ADAMTSL1: variants seen among roughly 807,000 people sequenced by gnomAD.
The protein encoded by ADAMTSL1 is ADAMTS like 1, also known as ADAMTS-like protein 1.
In ADAMTSL1, 126 loss-of-function variants were observed where a neutral mutation model predicts 201.8. The observed-to-expected ratio is 0.62, with a 90% CI of 0.54 to 0.72. The LOEUF (loss-of-function observed/expected upper bound fraction) is 0.72. Among genes scored for constraint, ADAMTSL1 ranks in the 30% least tolerant of loss-of-function variants. The probability of loss-of-function intolerance (pLI) is 0.00; values close to 1 mark genes in which losing one functional copy is unlikely to be tolerated. For missense variants in ADAMTSL1, 2,679 were observed against 2,277.8 expected (o/e 1.18, Z -3.59); for synonymous variants, 1,121 against 903.4 (o/e 1.24, Z -4.32).
At chr9:18,611,680 G>A (rs1409233455) in intron 4 of ADAMTSL1, among the ~76,000 whole-genome samples, 1 of 152,104 alleles carries the variant, frequency 6.6e-6, no homozygotes, top group African/African-American at 2.4e-5. Flanking sequence ...CCATTAGATG[G>A]TTTAGATTCT....
intron 1 of ADAMTSL1, among the ~76,000 whole-genome samples, chr9:18,009,904 T>G (rs187330432): frequency 2.6e-5 from 4 of 152,146 alleles, no homozygotes; most frequent in Admixed American, 2.6e-4. Flanking sequence ...AATTACATGA[T>G]TTTCCTTCTC....
At chr9:18,223,499 C>T (rs1442417306) in intron 2 of ADAMTSL1, among the ~76,000 whole-genome samples, 1 of 151,882 alleles carries the variant, frequency 6.6e-6, no homozygotes, top group African/African-American at 2.4e-5. Context: ...CATTTATCTC[C>T]ACTTCAGTTC....
At chr9:18,168,978 T>A (rs1417023435) in intron 2 of ADAMTSL1, among the ~76,000 whole-genome samples, 1 of 149,450 alleles carries the variant, frequency 6.7e-6, no homozygotes, top group Non-Finnish European at 1.5e-5. Context: ...GGGTTGTTTG[T>A]TTTTTCTTGT....
chr9:18,684,587 C>A, intron 12 of ADAMTSL1, 129 bp from the exon 13 acceptor site: 1 of 986,790 alleles, frequency 1.0e-6, no homozygotes, highest in Non-Finnish European at 1.4e-6. Context: ...TCAGAGGCAG[C>A]AATTTACCCA....
intron 1 of ADAMTSL1, among the ~76,000 whole-genome samples, chr9:18,028,903 G>T (rs7850361): frequency 0.16 from 24,039 of 151,988 alleles, 2,850 homozygotes; most frequent in African/African-American, 0.32. Context: ...GCATGGAATG[G>T]TCTTCCATTT....
In ADAMTSL1 at chr9:18,764,290, T is replaced by C. The variant is rs1369220847; in HGVS notation, c.2218-6312T>C. Among the ~76,000 whole-genome samples the C allele has an allele frequency of 2.0e-5, 3 of 152,370 alleles. No homozygotes were observed. The East Asian group carries it at 5.8e-4, about 29-fold the overall frequency. On this transcript the variant is annotated intron_variant, in intron 16 of 28. Coordinates refer to ENST00000380548, the MANE Select transcript of ADAMTSL1 (RefSeq NM_001040272.6). ...TACTTTTTAAATTTCTTTTTCATGTTGTTCACTGTTGAACATAGAGAAATA... is the reference window on the plus strand; with the variant it reads ...TACTTTTTAAATTTCTTTTTCATGTCGTTCACTGTTGAACATAGAGAAATA...
chr9:18,039,376 G>T (rs1821340868), intron 1 of ADAMTSL1, among the ~76,000 whole-genome samples: 1 of 152,030 alleles, frequency 6.6e-6, no homozygotes, highest in South Asian at 2.1e-4. Flanking sequence ...GACGGATAAT[G>T]CCTTCCTACA....
intron 1 of ADAMTSL1, among the ~76,000 whole-genome samples, chr9:18,046,440 A>C (rs1821662532): frequency 6.6e-6 from 1 of 152,166 alleles, no homozygotes; most frequent in Non-Finnish European, 1.5e-5. Flanking sequence ...CTTTCCTGTT[A>C]AGGACATGAC....
At chr9:18,332,301 T>C (rs10124318) in intron 2 of ADAMTSL1, among the ~76,000 whole-genome samples, 50,198 of 152,128 alleles carry the variant, frequency 0.33, 8,853 homozygotes, top group Admixed American at 0.48. Flanking sequence ...TATAATTTTA[T>C]ATTTAGGGAT....
chr9:18,694,617 G>A (rs2082579), intron 13 of ADAMTSL1, among the ~76,000 whole-genome samples: 47,504 of 151,902 alleles, frequency 0.31, 8,002 homozygotes, highest in Non-Finnish European at 0.39. Context: ...TGTCACATCC[G>A]GGCCACACTG....
chr9:18,293,590 C>T (rs1471410054), intron 2 of ADAMTSL1, among the ~76,000 whole-genome samples: 2 of 152,204 alleles, frequency 1.3e-5, no homozygotes, highest in Admixed American at 6.5e-5. Context: ...CCTGACTTCA[C>T]ACTTTTTCTC....
intron 2 of ADAMTSL1, among the ~76,000 whole-genome samples, chr9:18,464,146 A>G (rs573269732): frequency 6.6e-6 from 1 of 152,286 alleles, no homozygotes; most frequent in African/African-American, 2.4e-5. Flanking sequence ...CCTTCTTGAG[A>G]CTATGTAGTG....
intron 4 of ADAMTSL1, among the ~76,000 whole-genome samples, chr9:18,608,446 A>G (rs1323237322): frequency 6.6e-6 from 1 of 152,210 alleles, no homozygotes; most frequent in African/African-American, 2.4e-5. Flanking sequence ...ATTTCTATGC[A>G]TGTGAGTGGG....
chr9:18,552,335 C>G (rs1307302723), intron 3 of ADAMTSL1, among the ~76,000 whole-genome samples: 1 of 151,784 alleles, frequency 6.6e-6, no homozygotes, highest in Non-Finnish European at 1.5e-5. Flanking sequence ...TCCTTCAGGT[C>G]ATAAATTACT....
At chr9:18,585,481 G>T (rs924366564) in intron 4 of ADAMTSL1, among the ~76,000 whole-genome samples, 1 of 151,984 alleles carries the variant, frequency 6.6e-6, no homozygotes, top group African/African-American at 2.4e-5. Context: ...AATTCTGTGG[G>T]ATAACTTTAT....
intron 1 of ADAMTSL1, among the ~76,000 whole-genome samples, chr9:18,016,739 G>T (rs1820275706): frequency 6.6e-6 from 1 of 151,986 alleles, no homozygotes; most frequent in African/African-American, 2.4e-5. Flanking sequence ...ATTTGTGTTG[G>T]TATTTAGGGT....
chr9:18,438,739 C>A (rs1038339018), intron 2 of ADAMTSL1, among the ~76,000 whole-genome samples: 2 of 152,278 alleles, frequency 1.3e-5, no homozygotes, highest in South Asian at 2.1e-4. Context: ...AGTGAGGACC[C>A]TGCACTCAGC....
intron 2 of ADAMTSL1, among the ~76,000 whole-genome samples, chr9:18,399,328 T>TATATATATATATATATAA (rs1491459278): frequency 4.6e-5 from 5 of 107,724 alleles, no homozygotes; most frequent in Non-Finnish European, 7.8e-5. Flanking sequence ...TATATATATA[T>TATATATATATATATATAA]AAAATTATTA....
intron 1 of ADAMTSL1, among the ~76,000 whole-genome samples, chr9:18,052,177 T>C (rs1394267868): frequency 1.3e-5 from 2 of 152,202 alleles, no homozygotes; most frequent in Non-Finnish European, 2.9e-5. Flanking sequence ...CAAATATTTA[T>C]CCAATAATTA....
Sources: gnomAD v4.1 joint callset for allele counts (sites outside exome capture counted in the v4.1 genomes callset) on GRCh38, gnomAD v4.1.1 for gene constraint, MANE v1.5 for transcripts, NCBI Gene and HGNC (gene_info 2026-07-23, HGNC 2026-07-21) for gene names.